Variants in FSTL4 observed in about 807,000 individuals in gnomAD.
The protein encoded by FSTL4 is follistatin-related protein 4.
Under a neutral mutation model 78.2 loss-of-function variants are expected in FSTL4, and 28 were observed. The ratio of observed to expected loss-of-function variants is 0.36; its 90% CI spans 0.27 to 0.49. The LOEUF is 0.49. Ranked by LOEUF, FSTL4 falls within the 20% of genes least tolerant of loss-of-function variation. The probability of loss-of-function intolerance (pLI) is 0.98; values close to 1 mark genes in which losing one functional copy is unlikely to be tolerated. For synonymous variants in FSTL4, 422 were observed against 440.5 expected (o/e 0.96, Z 0.53); for missense variants, 922 against 1,084.9 (o/e 0.85, Z 2.11).
intron 4 of FSTL4, chr5:133,388,565 C>A (rs1755761327): frequency 6.6e-6 from 1 of 150,638 alleles, no homozygotes; most frequent in African/African-American, 2.4e-5. Context: ...TCAAGAGCCC[C>A]CAGTGCAACA....
At chr5:133,380,462 G>A (rs549171884) in intron 4 of FSTL4, among the ~76,000 whole-genome samples, 2 of 152,002 alleles carry the variant, frequency 1.3e-5, no homozygotes, top group Admixed American at 6.5e-5. Context: ...TTTGTAGAAA[G>A]ACACAGACTA....
chr5:133,535,480 C>T (rs1005301356), intron 3 of FSTL4, among the ~76,000 whole-genome samples: 2 of 152,252 alleles, frequency 1.3e-5, no homozygotes, highest in Non-Finnish European at 2.9e-5. Context: ...GTTCCTGCTG[C>T]AATTAATTCT....
chr5:133,309,542 A>G (rs1338593362), intron 6 of FSTL4, among the ~76,000 whole-genome samples: 4 of 152,178 alleles, frequency 2.6e-5, no homozygotes, highest in African/African-American at 9.7e-5. Flanking sequence ...GTACAGCCCC[A>G]TCACGAACCA....
intron 6 of FSTL4, among the ~76,000 whole-genome samples, chr5:133,307,486 A>G (rs1194985279): frequency 6.6e-6 from 1 of 152,188 alleles, no homozygotes; most frequent in Non-Finnish European, 1.5e-5. Context: ...TCTGAGTTTC[A>G]GTTTCTTCAT....
intron 3 of FSTL4, among the ~76,000 whole-genome samples, chr5:133,517,909 C>G (rs2112894897): frequency 6.6e-6 from 1 of 152,308 alleles, no homozygotes; most frequent in East Asian, 1.9e-4. Context: ...AGACCTTCCA[C>G]TGACTGGGTG....
Position 133,267,672 on chromosome 5 carries a change from A to G in FSTL4, c.728-18096T>C, listed in dbSNP as rs368049808. 7.9e-5 allele frequency among the ~76,000 whole-genome samples: 12 copies of G among 152,262 alleles called. No individual in the cohort carries two copies. The East Asian group carries it at 2.3e-3, about 29-fold the overall frequency. ...GTCCATCACTGAAGATGTGTTTCAG[A>G]AACTGAGACACACCTGGGAAGGAAC... On this transcript the variant is annotated intron_variant, in intron 6 of 15. Coordinates refer to ENST00000265342, the MANE Select transcript of FSTL4 (RefSeq NM_015082.2).
chr5:133,633,120 T>C, the FSTL4 span, among the ~76,000 whole-genome samples: 2 of 152,230 alleles, frequency 1.3e-5, no homozygotes, highest in Non-Finnish European at 2.9e-5. Flanking sequence ...AGAAATTATC[T>C]TGGTGTGGAT....
intron 6 of FSTL4, among the ~76,000 whole-genome samples, chr5:133,291,625 G>A (rs1581597221): frequency 6.6e-6 from 1 of 152,298 alleles, no homozygotes; most frequent in South Asian, 2.1e-4. Context: ...GAGAGCAAAT[G>A]AGCGTCTCAA....
rs558659545 is a variant in FSTL4, at chr5:133,395,424, T to A, written c.409+5314A>T. Among the ~76,000 whole-genome samples, 7 of 152,140 alleles carry A rather than the reference T, an allele frequency of 4.6e-5. 1 individual carries two copies. In the South Asian group the frequency reaches 1.5e-3, roughly 32 times the overall value. On this transcript the variant is annotated intron_variant, in intron 4 of 15. Transcript: ENST00000265342. The stretch of plus-strand genomic sequence containing the variant: ...CACGAACCCACCAGAAGGAAGAAAC[T>A]CTGAACACGTCCAAACATCAGAAGG...
At chr5:133,794,550 A>G in the FSTL4 span, among the ~76,000 whole-genome samples, 4 of 152,174 alleles carry the variant, frequency 2.6e-5, no homozygotes, top group Admixed American at 6.5e-5. Context: ...ACTGGATCCA[A>G]TTTCTCTCAC....
intron 3 of FSTL4, among the ~76,000 whole-genome samples, chr5:133,457,454 C>A (rs1242920054): frequency 6.6e-6 from 1 of 152,242 alleles, no homozygotes; most frequent in African/African-American, 2.4e-5. Flanking sequence ...ACAAACAAAA[C>A]TCTGTAGCCA....
chr5:133,701,509 A>ACACACACACCCCCC, the FSTL4 span, among the ~76,000 whole-genome samples: 3 of 132,692 alleles, frequency 2.3e-5, no homozygotes, highest in East Asian at 2.2e-4. Flanking sequence ...ACACACACAC[A>ACACACACACCCCCC]CCCCACAGGC....
chr5:133,240,243 G>A (rs938964892), intron 7 of FSTL4, among the ~76,000 whole-genome samples: 30 of 152,128 alleles, frequency 2.0e-4, no homozygotes, highest in Admixed American at 6.6e-5. Context: ...TCACTGCGAG[G>A]GTCCGCGGCT....
chr5:133,728,985 C>A, the FSTL4 span, among the ~76,000 whole-genome samples: 2 of 152,082 alleles, frequency 1.3e-5, no homozygotes, highest in Non-Finnish European at 2.9e-5. Context: ...AGCTCCCAGG[C>A]CATGACCTTG....
chr5:133,478,954 C>A (rs1310239181), intron 3 of FSTL4, among the ~76,000 whole-genome samples: 2 of 152,136 alleles, frequency 1.3e-5, no homozygotes, highest in African/African-American at 2.4e-5. Context: ...TGATTTCTCA[C>A]CTCTCAAATC....
chr5:133,360,721 T>C lies in FSTL4; in HGVS notation c.409+40017A>G, dbSNP rs189876295. The stretch of plus-strand genomic sequence containing the variant: ...ATAAGCTCATAGAAGGGCTATGTTT[T>C]CAACGTCCACTTTAATTTCAGACAG... On this transcript the variant is annotated intron_variant, in intron 4 of 15. Coordinates refer to ENST00000265342, the MANE Select transcript of FSTL4 (RefSeq NM_015082.2). Among the ~76,000 whole-genome samples the C allele has an allele frequency of 1.3e-3, 192 of 152,302 alleles. 2 individuals are homozygous for C. Among genetic ancestry groups the C allele is most frequent in the Non-Finnish European group, 1.3e-3 (87 of 68,030 alleles).
At chr5:133,380,443 T>A (rs898026883) in intron 4 of FSTL4, among the ~76,000 whole-genome samples, 2 of 152,050 alleles carry the variant, frequency 1.3e-5, no homozygotes, top group Admixed American at 6.5e-5. Flanking sequence ...CTTTGATGAA[T>A]TGGACAAATT....
At chr5:133,705,302 A>T in the FSTL4 span, among the ~76,000 whole-genome samples, 1 of 152,118 alleles carries the variant, frequency 6.6e-6, no homozygotes, top group Admixed American at 6.5e-5. Context: ...CTGGTGATCC[A>T]CCTGCCTCGG....
chr5:133,775,777 C>T, the FSTL4 span, among the ~76,000 whole-genome samples: 3 of 152,084 alleles, frequency 2.0e-5, no homozygotes, highest in African/African-American at 7.2e-5. Flanking sequence ...GAAAGCATGG[C>T]CTGGTTTACT....
Sources: allele counts gnomAD v4.1 joint callset (sites outside exome capture counted in the v4.1 genomes callset), GRCh38; gene constraint gnomAD v4.1.1; transcripts MANE v1.5; gene names NCBI Gene and HGNC (gene_info 2026-07-23, HGNC 2026-07-21).